Variants in ABTB3 observed in about 807,000 individuals in gnomAD.
ABTB3 encodes ankyrin repeat- and BTB/POZ domain-containing protein 3.
At chr12:107,520,190 G>A in the ABTB3 span, 1 of 985,140 alleles carries the variant, frequency 1.0e-6, no homozygotes, top group Non-Finnish European at 1.2e-6. Flanking sequence ...GGAGTGGATA[G>A]CAACCCTTCC....
At chr12:107,594,275 T>G in the ABTB3 span, among the ~76,000 whole-genome samples, 1 of 152,214 alleles carries the variant, frequency 6.6e-6, no homozygotes, top group Non-Finnish European at 1.5e-5. Flanking sequence ...CCCTTGCTTT[T>G]GAAATAAATA....
At chr12:107,379,427 G>A in the ABTB3 span, among the ~76,000 whole-genome samples, 22 of 152,042 alleles carry the variant, frequency 1.4e-4, no homozygotes, top group African/African-American at 5.3e-4. Flanking sequence ...AGATCTGATG[G>A]TTTTATAAAG....
the ABTB3 span, among the ~76,000 whole-genome samples, chr12:107,566,648 TACAC>T: frequency 7.0e-3 from 959 of 136,428 alleles, 8 homozygotes; most frequent in East Asian, 0.028. Flanking sequence ...CTAATTTAAA[TACAC>T]ACACACACAC....
chr12:107,458,433 G>A, the ABTB3 span, among the ~76,000 whole-genome samples: 1 of 152,168 alleles, frequency 6.6e-6, no homozygotes, highest in East Asian at 1.9e-4. Context: ...CAGAACAGCA[G>A]CCCCATCGAT....
At chr12:107,437,578 T>G in the ABTB3 span, among the ~76,000 whole-genome samples, 7 of 152,056 alleles carry the variant, frequency 4.6e-5, no homozygotes, top group African/African-American at 1.7e-4. Context: ...TGTATTTGTT[T>G]TTTAGTAAAG....
the ABTB3 span, among the ~76,000 whole-genome samples, chr12:107,484,127 G>A: frequency 6.6e-6 from 1 of 152,184 alleles, no homozygotes; most frequent in African/African-American, 2.4e-5. Flanking sequence ...GAAACACAAC[G>A]ACAAACATCC....
chr12:107,513,613 C>T, the ABTB3 span, among the ~76,000 whole-genome samples: 2 of 152,184 alleles, frequency 1.3e-5, no homozygotes, highest in African/African-American at 4.8e-5. Flanking sequence ...CTAAATCACC[C>T]AGTCTCGGGT....
the ABTB3 span, among the ~76,000 whole-genome samples, chr12:107,396,548 A>G: frequency 6.6e-6 from 1 of 151,702 alleles, no homozygotes; most frequent in Non-Finnish European, 1.5e-5. Context: ...CTGTGCCCTC[A>G]GGGAAGGTGG....
chr12:107,609,374 A>G, the ABTB3 span, among the ~76,000 whole-genome samples: 2 of 152,210 alleles, frequency 1.3e-5, no homozygotes. Flanking sequence ...CAGAATTTGT[A>G]GCACCTTCTT....
chr12:107,635,067 C>A, the ABTB3 span: 1 of 404,466 alleles, frequency 2.5e-6, no homozygotes, highest in Non-Finnish European at 4.4e-6. Context: ...TTAAGCTTCA[C>A]CAGTGAACCC....
the ABTB3 span, among the ~76,000 whole-genome samples, chr12:107,357,725 GT>G: frequency 6.6e-6 from 1 of 152,094 alleles, no homozygotes; most frequent in East Asian, 1.9e-4. Context: ...TGAAATGATG[GT>G]GCTCAGAGCG....
At chr12:107,555,300 T>C in the ABTB3 span, among the ~76,000 whole-genome samples, 1 of 152,112 alleles carries the variant, frequency 6.6e-6, no homozygotes, top group Non-Finnish European at 1.5e-5. Flanking sequence ...GTTAAACACC[T>C]CTGGCCTCCA....
chr12:107,345,372 T>A, the ABTB3 span, among the ~76,000 whole-genome samples: 1 of 152,140 alleles, frequency 6.6e-6, no homozygotes, highest in Non-Finnish European at 1.5e-5. Flanking sequence ...GAGAGTTTTA[T>A]AGGATTTGCC....
the ABTB3 span, among the ~76,000 whole-genome samples, chr12:107,321,414 CG>C: frequency 6.6e-6 from 1 of 152,128 alleles, no homozygotes; most frequent in Admixed American, 6.5e-5. Context: ...CTGCCGCCCT[CG>C]GTCCCTTCAC....
At chr12:107,635,207 G>A in the ABTB3 span, 10 of 1,262,094 alleles carry the variant, frequency 7.9e-6, no homozygotes, top group South Asian at 1.3e-5. Context: ...TCACCTGGAG[G>A]GACGCATTCC....
chr12:107,499,503 G>A, the ABTB3 span, among the ~76,000 whole-genome samples: 3 of 151,968 alleles, frequency 2.0e-5, no homozygotes, highest in African/African-American at 4.8e-5. Flanking sequence ...CTGTGTATTC[G>A]TCTGTTTTCA....
At chr12:107,526,516 T>G in the ABTB3 span, among the ~76,000 whole-genome samples, 3 of 152,148 alleles carry the variant, frequency 2.0e-5, no homozygotes, top group Non-Finnish European at 4.4e-5. Flanking sequence ...AAGTCCATAT[T>G]TGTGTCCTCT....
At chr12:107,438,852 A>T in the ABTB3 span, among the ~76,000 whole-genome samples, 2 of 152,280 alleles carry the variant, frequency 1.3e-5, no homozygotes, top group South Asian at 4.2e-4. Context: ...TCTTGGGGGG[A>T]AGTTGCTCCA....
At chr12:107,599,099 G>A in the ABTB3 span, among the ~76,000 whole-genome samples, 8 of 152,130 alleles carry the variant, frequency 5.3e-5, no homozygotes, top group African/African-American at 1.9e-4. Context: ...GAAATTCCCC[G>A]GAGATCCTGA....
Sources: allele counts gnomAD v4.1 joint callset (sites outside exome capture counted in the v4.1 genomes callset), GRCh38; gene constraint gnomAD v4.1.1; transcripts MANE v1.5; gene names NCBI Gene and HGNC (gene_info 2026-07-23, HGNC 2026-07-21).